NEGR1: variants seen among roughly 807,000 people sequenced by gnomAD.
NEGR1 encodes the protein neuronal growth regulator 1, also known as IgLON family member 4.
NEGR1 carries 10 observed loss-of-function variants against 40.9 expected under a neutral mutation model. The ratio of observed to expected loss-of-function variants is 0.24; its 90% CI spans 0.15 to 0.42. The LOEUF is 0.42. NEGR1 is among the 10% of genes least tolerant of loss of function. The pLI is 1.00. For synonymous variants in NEGR1, 185 were observed against 166.8 expected, an observed-to-expected ratio of 1.11 and a Z score of -0.84; for missense variants, 352 against 438.9, an observed-to-expected ratio of 0.80 and a Z score of 1.77.
intron 3 of NEGR1, among the ~76,000 whole-genome samples, chr1:71,742,927 T>C (rs373636606): frequency 6.6e-6 from 1 of 152,168 alleles, no homozygotes; most frequent in African/African-American, 2.4e-5. Flanking sequence ...CCCAGTGTGA[T>C]AGAGGCCATG....
At chr1:71,985,203 T>C (rs1286565506) in intron 1 of NEGR1, among the ~76,000 whole-genome samples, 3 of 152,188 alleles carry the variant, frequency 2.0e-5, no homozygotes, top group African/African-American at 7.2e-5. Context: ...GGCAAAATCA[T>C]AATCATAAAT....
intron 2 of NEGR1, among the ~76,000 whole-genome samples, chr1:71,919,260 C>T (rs1343963826): frequency 1.3e-5 from 2 of 152,120 alleles, no homozygotes; most frequent in African/African-American, 4.8e-5. Context: ...CATAATCAAA[C>T]CCAAGCTGAT....
At chr1:72,056,048 T>G (rs1022235444) in intron 1 of NEGR1, among the ~76,000 whole-genome samples, 1 of 151,112 alleles carries the variant, frequency 6.6e-6, no homozygotes, top group Non-Finnish European at 1.5e-5. Context: ...TTTCTTATTA[T>G]TCTTGCCAAA....
intron 6 of NEGR1, among the ~76,000 whole-genome samples, chr1:71,462,316 G>A (rs1646719349): frequency 1.3e-5 from 2 of 152,076 alleles, no homozygotes; most frequent in Non-Finnish European, 2.9e-5. Context: ...TTTAAAGCTG[G>A]TATTTGGGAA....
rs186616671 is a variant in NEGR1 at position 71,900,007 on chromosome 1, G to T, written c.409+35072C>A. Reference sequence around the variant, plus strand: ...TGGCTAGTGAAGAGAAACATTTGAAGTATATACAATCAATAAAACTCTCAT... The same window carrying T: ...TGGCTAGTGAAGAGAAACATTTGAATTATATACAATCAATAAAACTCTCAT... On this transcript the variant is annotated intron_variant, in intron 2 of 6. Coordinates refer to ENST00000357731, the MANE Select transcript of NEGR1 (RefSeq NM_173808.3). Among the ~76,000 whole-genome samples, 3 of 152,272 alleles carry T rather than the reference G, an allele frequency of 2.0e-5. No homozygotes were observed. The East Asian group carries it at 5.8e-4, about 29-fold the overall frequency.
intron 5 of NEGR1, among the ~76,000 whole-genome samples, chr1:71,597,440 C>A (rs1377573771): frequency 8.2e-5 from 2 of 24,476 alleles, no homozygotes; most frequent in African/African-American, 1.5e-4. Context: ...ATGTCTCTCT[C>A]TCTCTCTCTC....
chr1:72,133,483 G>C (rs1266368073), intron 1 of NEGR1, among the ~76,000 whole-genome samples: 1 of 151,888 alleles, frequency 6.6e-6, no homozygotes, highest in Admixed American at 6.6e-5. Context: ...TTTGTATTAA[G>C]CAATGGAAAC....
At chr1:71,649,716 T>C (rs1651647769) in intron 4 of NEGR1, among the ~76,000 whole-genome samples, 3 of 152,140 alleles carry the variant, frequency 2.0e-5, no homozygotes, top group Admixed American at 6.6e-5. Flanking sequence ...AAAGAAGAAG[T>C]CAGACTATAA....
At chr1:72,201,388 T>C (rs543892291) in intron 1 of NEGR1, among the ~76,000 whole-genome samples, 1 of 151,792 alleles carries the variant, frequency 6.6e-6, no homozygotes, top group African/African-American at 2.4e-5. Flanking sequence ...ATCAGTATTT[T>C]ATTTGTCTCA....
At chr1:71,691,809 T>C (rs563430506) in intron 4 of NEGR1, among the ~76,000 whole-genome samples, 128 of 151,848 alleles carry the variant, frequency 8.4e-4, no homozygotes, top group Middle Eastern at 6.8e-3. Context: ...AACAACATTC[T>C]GTCCCATAAC....
chr1:71,599,970 C>G (rs1316082346), intron 5 of NEGR1, among the ~76,000 whole-genome samples: 1 of 152,102 alleles, frequency 6.6e-6, no homozygotes, highest in Non-Finnish European at 1.5e-5. Context: ...TTTCTAATAT[C>G]AATATGCCCA....
chr1:71,567,945 C>T (rs1427102612), intron 6 of NEGR1, among the ~76,000 whole-genome samples: 1 of 152,060 alleles, frequency 6.6e-6, no homozygotes, highest in East Asian at 1.9e-4. Context: ...CCGAACCTGA[C>T]ATCTTAATCT....
chr1:71,693,617 C>T (rs563696200), intron 4 of NEGR1, among the ~76,000 whole-genome samples: 2 of 151,512 alleles, frequency 1.3e-5, no homozygotes, highest in Non-Finnish European at 3.0e-5. Flanking sequence ...AACTGAGAGT[C>T]AGAGAAGTAA....
intron 1 of NEGR1, among the ~76,000 whole-genome samples, chr1:72,017,723 GA>G (rs539515708): frequency 1.3e-4 from 18 of 142,670 alleles, no homozygotes; most frequent in South Asian, 6.6e-4. Context: ...CACAGTTTAA[GA>G]AAAAAAAAAC....
chr1:71,950,083 T>C (rs1390581729), intron 1 of NEGR1, among the ~76,000 whole-genome samples: 1 of 152,072 alleles, frequency 6.6e-6, no homozygotes, highest in Non-Finnish European at 1.5e-5. Context: ...CAACATAATA[T>C]TGTAATTATT....
intron 1 of NEGR1, among the ~76,000 whole-genome samples, chr1:71,958,926 G>T (rs974635040): frequency 6.8e-6 from 1 of 147,500 alleles, no homozygotes. Context: ...CTGCACTCCA[G>T]CCTGGGCAAG....
At chr1:72,155,721 TCAGA>T (rs1171554581) in intron 1 of NEGR1, among the ~76,000 whole-genome samples, 1 of 152,056 alleles carries the variant, frequency 6.6e-6, no homozygotes, top group Non-Finnish European at 1.5e-5. Flanking sequence ...AGAATAGACC[TCAGA>T]CAAATTTCCT....
intron 3 of NEGR1, among the ~76,000 whole-genome samples, chr1:71,762,884 C>T (rs79086735): frequency 0.015 from 2,274 of 152,160 alleles, 22 homozygotes; most frequent in Middle Eastern, 0.054. Flanking sequence ...GAAATCAAAA[C>T]GTTCTCTAAT....
chr1:71,467,754 A>G (rs955601089), intron 6 of NEGR1, among the ~76,000 whole-genome samples: 8 of 152,034 alleles, frequency 5.3e-5, no homozygotes, highest in African/African-American at 9.7e-5. Flanking sequence ...TATTTGCCCA[A>G]TTGGTATCTG....
Sources: gnomAD v4.1 joint callset for allele counts (sites outside exome capture counted in the v4.1 genomes callset) on GRCh38, gnomAD v4.1.1 for gene constraint, MANE v1.5 for transcripts, NCBI Gene and HGNC (gene_info 2026-07-23, HGNC 2026-07-21) for gene names.